The following PCNX2 variants were observed in gnomAD, a reference collection of about 807,000 sequenced individuals.
PCNX2 encodes the protein pecanex-like protein 2.
Under a neutral mutation model 223.8 loss-of-function variants are expected in PCNX2, and 168 were observed. That is an observed-to-expected ratio of 0.75 (90% CI 0.66 to 0.85). The LOEUF (loss-of-function observed/expected upper bound fraction) is 0.85, where lower values mean the gene tolerates loss of function less well. Ranked by LOEUF, PCNX2 falls within the 40% of genes least tolerant of loss-of-function variation. The pLI is 0.00. For missense variants in PCNX2, 2,507 were observed against 2,675.5 expected (o/e 0.94, Z 1.39); for synonymous variants, 1,006 against 1,052.6 (o/e 0.96, Z 0.86).
At chr1:233,089,150 C>A (rs1673747652) in intron 23 of PCNX2, among the ~76,000 whole-genome samples, 7 of 151,972 alleles carry the variant, frequency 4.6e-5, no homozygotes. Flanking sequence ...ATAAAAGACA[C>A]ATTGTAAAAT....
intron 8 of PCNX2, among the ~76,000 whole-genome samples, chr1:233,242,984 C>A (rs1285381225): frequency 6.6e-6 from 1 of 152,196 alleles, no homozygotes; most frequent in Non-Finnish European, 1.5e-5. Flanking sequence ...CTGGGGAAAG[C>A]AGAACTGTGT....
At chr1:233,088,942 T>C (rs76757172) in intron 23 of PCNX2, among the ~76,000 whole-genome samples, 3,505 of 152,328 alleles carry the variant, frequency 0.023, 46 homozygotes, top group East Asian at 0.042. Context: ...CTTATGATTT[T>C]ACTTCCATTT....
chr1:233,222,843 A>G (rs1420248665), intron 10 of PCNX2, among the ~76,000 whole-genome samples: 1 of 152,208 alleles, frequency 6.6e-6, no homozygotes, highest in Non-Finnish European at 1.5e-5. Context: ...TGAGGCTGAG[A>G]TGAAGAGCTC....
intron 1 of PCNX2, chr1:233,294,116 G>T: frequency 1.8e-6 from 1 of 557,920 alleles, no homozygotes; most frequent in Non-Finnish European, 2.3e-6. Context: ...TGAATGCTAA[G>T]TTTTAGAAAA....
chr1:233,147,945 A>C (rs1286226047), intron 19 of PCNX2, among the ~76,000 whole-genome samples: 1 of 152,276 alleles, frequency 6.6e-6, no homozygotes, highest in Non-Finnish European at 1.5e-5. Flanking sequence ...TTCATAAGTT[A>C]CAAAACCTTT....
chr1:233,185,406 C>T (rs193151258), intron 15 of PCNX2, among the ~76,000 whole-genome samples: 1 of 152,124 alleles, frequency 6.6e-6, no homozygotes, highest in East Asian at 1.9e-4. Flanking sequence ...CTCCATGTAC[C>T]CCACCACCTT....
At chr1:233,029,106 G>T (rs936925369) in intron 25 of PCNX2, among the ~76,000 whole-genome samples, 4 of 152,022 alleles carry the variant, frequency 2.6e-5, no homozygotes, top group African/African-American at 4.8e-5. Context: ...CCAAAGTGCT[G>T]GGGTTACAGG....
At chr1:233,271,046 C>T (rs1279176347) in intron 1 of PCNX2, among the ~76,000 whole-genome samples, 6 of 152,190 alleles carry the variant, frequency 3.9e-5, no homozygotes, top group East Asian at 3.9e-4. Flanking sequence ...CTCATGTTGT[C>T]GTTTTCATTT....
the PCNX2 span, among the ~76,000 whole-genome samples, chr1:233,318,191 T>C: frequency 2.6e-5 from 4 of 152,156 alleles, no homozygotes; most frequent in Non-Finnish European, 4.4e-5. Context: ...AAATTGTGTG[T>C]TTTACCTCTA....
intron 17 of PCNX2, among the ~76,000 whole-genome samples, chr1:233,165,448 A>C (rs927799258): frequency 3.3e-5 from 5 of 152,042 alleles, no homozygotes; most frequent in Non-Finnish European, 7.4e-5. Flanking sequence ...AGCACCCCCA[A>C]CCTCCACTTC....
At chr1:233,068,772 A>G (rs1344114371) in intron 23 of PCNX2, among the ~76,000 whole-genome samples, 1 of 152,082 alleles carries the variant, frequency 6.6e-6, no homozygotes, top group East Asian at 1.9e-4. Context: ...AGAAACATAC[A>G]AGAATCAGGA....
At chr1:233,290,606 G>T (rs532120401) in intron 1 of PCNX2, 10 of 456,194 alleles carry the variant, frequency 2.2e-5, no homozygotes, top group South Asian at 9.3e-5. Context: ...GACTGTCATA[G>T]AAATGTCACC....
the PCNX2 span, among the ~76,000 whole-genome samples, chr1:233,319,552 G>A: frequency 2.0e-5 from 3 of 152,204 alleles, no homozygotes; most frequent in African/African-American, 4.8e-5. Flanking sequence ...ATTCCATTTC[G>A]TAGTCTCATT....
chr1:233,167,228 C>G (rs1678851727), intron 17 of PCNX2, among the ~76,000 whole-genome samples: 1 of 152,104 alleles, frequency 6.6e-6, no homozygotes, highest in Middle Eastern at 3.2e-3. Context: ...AAAGAGACAT[C>G]CTGCCATTTG....
intron 9 of PCNX2, among the ~76,000 whole-genome samples, chr1:233,230,223 A>G (rs1347653241): frequency 6.6e-6 from 1 of 152,186 alleles, no homozygotes; most frequent in Non-Finnish European, 1.5e-5. Context: ...ATGGAGAGAG[A>G]AGTGAGTCAC....
intron 15 of PCNX2, among the ~76,000 whole-genome samples, chr1:233,190,952 A>G (rs1680390697): frequency 6.6e-6 from 1 of 152,210 alleles, no homozygotes; most frequent in Admixed American, 6.5e-5. Flanking sequence ...CAGTTAGAAA[A>G]AAATGCTGTG....
upstream of PCNX2, among the ~76,000 whole-genome samples, chr1:233,298,654 C>T (rs922536249): frequency 3.3e-5 from 5 of 152,046 alleles, no homozygotes; most frequent in Non-Finnish European, 7.4e-5. Flanking sequence ...TTTGGGAGGC[C>T]GAGGCGGGTG....
intron 9 of PCNX2, among the ~76,000 whole-genome samples, chr1:233,235,198 A>G (rs769728857): frequency 2.0e-5 from 3 of 152,170 alleles, no homozygotes; most frequent in Non-Finnish European, 4.4e-5. Flanking sequence ...AAGAGAATAA[A>G]CAGTCCCAAA....
intron 23 of PCNX2, among the ~76,000 whole-genome samples, chr1:233,076,804 T>A (rs895802062): frequency 6.6e-6 from 1 of 152,196 alleles, no homozygotes; most frequent in Admixed American, 6.5e-5. Context: ...ATGTTTGCAT[T>A]TTTATGATAT....
Sources: gnomAD v4.1 joint callset for allele counts (sites outside exome capture counted in the v4.1 genomes callset) on GRCh38, gnomAD v4.1.1 for gene constraint, MANE v1.5 for transcripts, NCBI Gene and HGNC (gene_info 2026-07-23, HGNC 2026-07-21) for gene names.